The following CDC42BPA variants were observed in gnomAD, a reference collection of about 807,000 sequenced individuals.
CDC42BPA encodes the protein serine/threonine-protein kinase MRCK alpha.
CDC42BPA carries 80 observed loss-of-function variants against 223.5 expected under a neutral mutation model. That is an observed-to-expected ratio of 0.36 (90% CI 0.30 to 0.43). CDC42BPA has a LOEUF of 0.43. Ranked by LOEUF, CDC42BPA falls within the 20% of genes least tolerant of loss-of-function variation. CDC42BPA has a pLI of 1.00. For missense variants in CDC42BPA, 1,743 were observed against 2,099.9 expected, an observed-to-expected ratio of 0.83 and a Z score of 3.32; for synonymous variants, 694 against 718.6, an observed-to-expected ratio of 0.97 and a Z score of 0.55.
intron 1 of CDC42BPA, among the ~76,000 whole-genome samples, chr1:227,287,620 T>C (rs1294200796): frequency 6.6e-6 from 1 of 152,152 alleles, no homozygotes; most frequent in African/African-American, 2.4e-5. Flanking sequence ...CCTTGTTGAA[T>C]TTCAGTATGT....
intron 32 of CDC42BPA, among the ~76,000 whole-genome samples, chr1:227,021,302 G>A (rs757832396): frequency 3.8e-4 from 58 of 152,068 alleles, no homozygotes; most frequent in Admixed American, 5.9e-4. Context: ...TGTGGAGCAC[G>A]ATAAAGTGGC....
chr1:227,242,562 A>C (rs1388779553), intron 2 of CDC42BPA, among the ~76,000 whole-genome samples: 1 of 152,172 alleles, frequency 6.6e-6, no homozygotes, highest in Non-Finnish European at 1.5e-5. Flanking sequence ...CTTAAATAAA[A>C]GATTAATATT....
At chr1:227,285,902 GAGA>G (rs1688730730) in intron 1 of CDC42BPA, among the ~76,000 whole-genome samples, 1 of 152,144 alleles carries the variant, frequency 6.6e-6, no homozygotes, top group Non-Finnish European at 1.5e-5. Context: ...TGGAGTCAGA[GAGA>G]AGAACAGCAT....
intron 23 of CDC42BPA, among the ~76,000 whole-genome samples, chr1:227,045,829 C>T (rs1484149996): frequency 6.6e-6 from 1 of 152,100 alleles, no homozygotes; most frequent in African/African-American, 2.4e-5. Flanking sequence ...TTCTTTGAGA[C>T]AGGGTCTCAC....
chr1:227,110,497 T>C (rs1434734271), intron 14 of CDC42BPA, among the ~76,000 whole-genome samples: 2 of 152,216 alleles, frequency 1.3e-5, no homozygotes, highest in East Asian at 3.8e-4. Flanking sequence ...AGATAAATCA[T>C]GTGAATGAAA....
At chr1:227,048,709 A>G (rs1027349474) in intron 22 of CDC42BPA, among the ~76,000 whole-genome samples, 3 of 143,720 alleles carry the variant, frequency 2.1e-5, no homozygotes, top group African/African-American at 7.6e-5. Flanking sequence ...ACTGGATGTT[A>G]TTATGGGGAA....
intron 2 of CDC42BPA, among the ~76,000 whole-genome samples, chr1:227,238,336 T>C (rs1381353219): frequency 6.7e-6 from 1 of 149,002 alleles, no homozygotes; most frequent in Non-Finnish European, 1.5e-5. Context: ...GGCGAGACCC[T>C]GTCTCATTAA....
intron 2 of CDC42BPA, among the ~76,000 whole-genome samples, chr1:227,230,729 T>C (rs1677698511): frequency 6.6e-6 from 1 of 151,996 alleles, no homozygotes; most frequent in African/African-American, 2.4e-5. Context: ...CATCTATACA[T>C]TTTTATGTGT....
chr1:227,088,396 C>T (rs1372941866), intron 16 of CDC42BPA, among the ~76,000 whole-genome samples: 2 of 151,770 alleles, frequency 1.3e-5, no homozygotes, highest in East Asian at 1.9e-4. Context: ...CATAGGAATA[C>T]GAAAAAATGC....
Position 227,118,881 on chromosome 1 carries a change from A to G in CDC42BPA, c.1647+923T>C, listed in dbSNP as rs144624304. On this transcript the variant is annotated intron_variant, in intron 12 of 36. Coordinates refer to ENST00000366766, the MANE Select transcript of CDC42BPA (RefSeq NM_001394014.1). Reference sequence around the variant, plus strand: ...AAAAAAATTGCTTGAAACCTCATTAAGCAGAAAGTAAAAATGTACTGGTCT... The same window carrying G: ...AAAAAAATTGCTTGAAACCTCATTAGGCAGAAAGTAAAAATGTACTGGTCT... Among the ~76,000 whole-genome samples the G allele has an allele frequency of 7.4e-4, 112 of 152,274 alleles. No homozygotes were observed. In the East Asian group the frequency reaches 0.018, roughly 25 times the overall value.
intron 2 of CDC42BPA, among the ~76,000 whole-genome samples, chr1:227,225,757 T>C (rs1343158461): frequency 6.6e-6 from 1 of 151,496 alleles, no homozygotes; most frequent in South Asian, 2.1e-4. Flanking sequence ...CAATTGGTCA[T>C]GACAAATACA....
intron 1 of CDC42BPA, among the ~76,000 whole-genome samples, chr1:227,303,557 C>T (rs1692039589): frequency 6.6e-6 from 1 of 152,146 alleles, no homozygotes; most frequent in African/African-American, 2.4e-5. Context: ...GCTTCTAAAC[C>T]AGCCTCAATC....
At chr1:227,160,476 G>C (rs896713319) in intron 6 of CDC42BPA, 67 bp downstream of exon 6, 2 of 1,001,766 alleles carry the variant, frequency 2.0e-6, no homozygotes, top group Admixed American at 3.4e-5. Flanking sequence ...TTCTAAAACA[G>C]ATATATCAGA....
intron 11 of CDC42BPA, among the ~76,000 whole-genome samples, chr1:227,126,321 C>T (rs1276190837): frequency 5.3e-5 from 8 of 152,092 alleles, no homozygotes; most frequent in Admixed American, 2.6e-4. Flanking sequence ...ACTGTACCAG[C>T]AATCTGACTC....
intron 17 of CDC42BPA, among the ~76,000 whole-genome samples, chr1:227,076,095 T>C (rs868854510): frequency 1.6e-4 from 24 of 152,302 alleles, no homozygotes; most frequent in Non-Finnish European, 3.1e-4. Flanking sequence ...CTCTTTTTCT[T>C]GGCTATAGAG....
intron 11 of CDC42BPA, among the ~76,000 whole-genome samples, chr1:227,123,322 G>A (rs1054224890): frequency 3.9e-5 from 6 of 152,106 alleles, no homozygotes; most frequent in Non-Finnish European, 7.4e-5. Context: ...ACAGTACTAC[G>A]AAACTGGGTT....
At chr1:227,128,331 T>C (rs558921) in intron 11 of CDC42BPA, among the ~76,000 whole-genome samples, 43,155 of 152,148 alleles carry the variant, frequency 0.28, 6,340 homozygotes, top group African/African-American at 0.35. Flanking sequence ...GAGCACTATA[T>C]TTAAAATGAT....
chr1:227,222,793 G>C (rs1332208072), intron 2 of CDC42BPA, among the ~76,000 whole-genome samples: 1 of 152,174 alleles, frequency 6.6e-6, no homozygotes, highest in Non-Finnish European at 1.5e-5. Flanking sequence ...TCATCATACA[G>C]GTTCCCGCGG....
chr1:227,179,654 A>AAAAAAAAAAAAAC (rs1667594150), intron 5 of CDC42BPA, among the ~76,000 whole-genome samples: 1 of 149,830 alleles, frequency 6.7e-6, no homozygotes, highest in Non-Finnish European at 1.5e-5. Context: ...AAAAAAAAAA[A>AAAAAAAAAAAAAC]AAAAAAGCTA....
Sources: gnomAD v4.1 joint callset for allele counts (sites outside exome capture counted in the v4.1 genomes callset) on GRCh38, gnomAD v4.1.1 for gene constraint, MANE v1.5 for transcripts, NCBI Gene and HGNC (gene_info 2026-07-23, HGNC 2026-07-21) for gene names.